IKZF2: variants seen among roughly 807,000 people sequenced by gnomAD.
IKZF2 encodes the protein IKAROS family zinc finger 2.
A neutral mutation model predicts 49.2 loss-of-function variants in IKZF2; 15 were observed. That is an observed-to-expected ratio of 0.30 (90% CI 0.20 to 0.47). The LOEUF is 0.47. Ranked by LOEUF, IKZF2 falls within the 20% of genes least tolerant of loss-of-function variation. The pLI, the probability that IKZF2 is intolerant of heterozygous loss-of-function variation, is 1.00. For synonymous variants in IKZF2, 227 were observed against 221.4 expected, an observed-to-expected ratio of 1.03 and a Z score of -0.23; for missense variants, 567 against 664.6, an observed-to-expected ratio of 0.85 and a Z score of 1.61.
intron 4 of IKZF2, among the ~76,000 whole-genome samples, chr2:213,066,506 C>T (rs1192699963): frequency 1.3e-5 from 2 of 152,068 alleles, no homozygotes; most frequent in Non-Finnish European, 2.9e-5. Context: ...AAACACTGTA[C>T]TACTGGTCTG....
At position 213,062,199 on chromosome 2, in the gene IKZF2, T is replaced by C. The variant is rs530438938; in HGVS notation, c.140-5100A>G. 5.3e-5 allele frequency among the ~76,000 whole-genome samples: 8 copies of C among 151,778 alleles called. No individual in the cohort carries two copies. The South Asian group carries it at 6.2e-4, about 12-fold the overall frequency. ...TAAATGTCAAGTTCTGGAAACACCA[T>C]ACATAGTAATGAGAACTGAAAATAT... On this transcript the variant is annotated intron_variant, in intron 4 of 8. Coordinates refer to ENST00000434687, the MANE Select transcript of IKZF2 (RefSeq NM_001387220.1).
rs1228206286 is a variant in IKZF2 at position 213,003,928 on chromosome 2, G to A, written c.*3432C>T. On this transcript the variant is annotated 3_prime_UTR_variant, in exon 9 of 9. Coordinates refer to ENST00000434687, the MANE Select transcript of IKZF2 (RefSeq NM_001387220.1). ...TATCCAATCAGCTTAATCATTGTTT[G>A]TTTCACTTTGTTCTGTAAGTAGATA... 2.6e-5 allele frequency: 4 copies of A among 151,696 alleles called. No homozygotes were observed. Among genetic ancestry groups the A allele is most frequent in the South Asian group, 2.1e-4 (1 of 4,816 alleles). 9.4% of individuals were successfully genotyped at this position (151,696 alleles called of 1,614,324 possible). A position where few individuals can be genotyped will look rare whatever the true frequency, so the allele number is the denominator to read the frequency against.
chr2:213,054,584 T>C (rs2125365207), intron 5 of IKZF2, among the ~76,000 whole-genome samples: 1 of 152,326 alleles, frequency 6.6e-6, no homozygotes, highest in South Asian at 2.1e-4. Flanking sequence ...AGTTTAATGA[T>C]ATCATGTCCA....
intron 4 of IKZF2, among the ~76,000 whole-genome samples, chr2:213,122,486 T>C (rs1173001312): frequency 6.6e-6 from 1 of 152,216 alleles, no homozygotes; most frequent in Non-Finnish European, 1.5e-5. Context: ...TAGATGATTC[T>C]TACGATCAAG....
intron 4 of IKZF2, among the ~76,000 whole-genome samples, chr2:213,106,436 T>C (rs2059530994): frequency 6.6e-6 from 1 of 151,750 alleles, no homozygotes; most frequent in South Asian, 2.1e-4. Flanking sequence ...CCCAAGTGTT[T>C]GAGACCAGCC....
At chr2:213,112,219 AT>A (rs1288220584) in intron 4 of IKZF2, among the ~76,000 whole-genome samples, 2 of 151,732 alleles carry the variant, frequency 1.3e-5, no homozygotes, top group East Asian at 1.9e-4. Flanking sequence ...TTTATGGGTT[AT>A]TTTTTATTTA....
At chr2:213,081,364 T>C (rs1471208860) in intron 4 of IKZF2, 3 of 152,880 alleles carry the variant, frequency 2.0e-5, no homozygotes, top group Non-Finnish European at 2.9e-5. Context: ...GGACAGGTGA[T>C]TGGCAATGAT....
intron 4 of IKZF2, among the ~76,000 whole-genome samples, chr2:213,119,651 C>T (rs141114114): frequency 1.6e-3 from 241 of 152,288 alleles, no homozygotes; most frequent in Middle Eastern, 6.8e-3. Flanking sequence ...ACATATCCAT[C>T]TTAGTCAGCT....
chr2:213,076,835 G>A (rs924966501), intron 4 of IKZF2, among the ~76,000 whole-genome samples: 9 of 152,174 alleles, frequency 5.9e-5, no homozygotes, highest in Non-Finnish European at 1.2e-4. Flanking sequence ...CCCAGGAGGC[G>A]GAGCTTGCGT....
intron 4 of IKZF2, among the ~76,000 whole-genome samples, chr2:213,117,297 C>T (rs148929117): frequency 6.6e-6 from 1 of 152,228 alleles, no homozygotes; most frequent in African/African-American, 2.4e-5. Context: ...TTATTATATG[C>T]TCCATACTTT....
intron 4 of IKZF2, chr2:213,147,379 C>T (rs1421579856): frequency 1.1e-5 from 6 of 533,674 alleles, no homozygotes; most frequent in East Asian, 2.9e-5. Context: ...TTGGAAGTGA[C>T]GTTTCCACAT....
intron 4 of IKZF2, among the ~76,000 whole-genome samples, chr2:213,058,616 C>G (rs1322766584): frequency 6.6e-6 from 1 of 151,814 alleles, no homozygotes. Flanking sequence ...GAGTTTTACC[C>G]TATTTACAAA....
intron 6 of IKZF2, among the ~76,000 whole-genome samples, chr2:213,032,405 A>G (rs759877570): frequency 2.0e-5 from 3 of 152,146 alleles, no homozygotes; most frequent in Non-Finnish European, 4.4e-5. Flanking sequence ...AAAACAATGT[A>G]TATACCTTAA....
At chr2:213,029,422 G>A (rs1047953002) in intron 6 of IKZF2, among the ~76,000 whole-genome samples, 2 of 151,876 alleles carry the variant, frequency 1.3e-5, no homozygotes, top group Non-Finnish European at 2.9e-5. Context: ...TCATCTAGCT[G>A]AATTTGACAT....
At chr2:213,122,521 A>C (rs2125839874) in intron 4 of IKZF2, among the ~76,000 whole-genome samples, 1 of 152,306 alleles carries the variant, frequency 6.6e-6, no homozygotes. Context: ...AGACCCTATG[A>C]CATAACTATT....
intron 6 of IKZF2, among the ~76,000 whole-genome samples, chr2:213,040,166 A>G (rs1319062648): frequency 6.6e-6 from 1 of 151,286 alleles, no homozygotes; most frequent in African/African-American, 2.4e-5. Flanking sequence ...TATGAGATGC[A>G]TTCTGTTTTT....
intron 6 of IKZF2, among the ~76,000 whole-genome samples, chr2:213,043,783 A>C (rs1699887994): frequency 6.6e-6 from 1 of 152,194 alleles, no homozygotes; most frequent in Admixed American, 6.5e-5. Flanking sequence ...AGAGGAGCTC[A>C]GGCAGTAATG....
intron 2 of IKZF2, among the ~76,000 whole-genome samples, chr2:213,149,184 C>T (rs1358066478): frequency 6.6e-6 from 1 of 152,088 alleles, no homozygotes; most frequent in African/African-American, 2.4e-5. Context: ...TGGCCAACTC[C>T]CTGACTTGTA....
intron 6 of IKZF2, among the ~76,000 whole-genome samples, chr2:213,036,958 C>A (rs1404246887): frequency 6.6e-6 from 1 of 152,178 alleles, no homozygotes; most frequent in African/African-American, 2.4e-5. Context: ...CACACACACA[C>A]ACAAGTCCCA....
Sources: gnomAD v4.1 joint callset for allele counts (sites outside exome capture counted in the v4.1 genomes callset) on GRCh38, gnomAD v4.1.1 for gene constraint, MANE v1.5 for transcripts, NCBI Gene and HGNC (gene_info 2026-07-23, HGNC 2026-07-21) for gene names.